Variants in MIPOL1 observed in about 807,000 individuals in gnomAD.
The protein encoded by MIPOL1 is mirror-image polydactyly 1, also known as mirror-image polydactyly gene 1 protein.
Under a neutral mutation model 60.9 loss-of-function variants are expected in MIPOL1, and 57 were observed. The ratio of observed to expected loss-of-function variants is 0.94; its 90% CI spans 0.76 to 1.17. MIPOL1 has a LOEUF of 1.17. MIPOL1 is among the 50% of genes most tolerant of loss of function. The probability of loss-of-function intolerance (pLI) is 0.00; values close to 1 mark genes in which losing one functional copy is unlikely to be tolerated. For missense variants in MIPOL1, 551 were observed against 511.6 expected, an observed-to-expected ratio of 1.08 and a Z score of -0.74; for synonymous variants, 179 against 168.8, an observed-to-expected ratio of 1.06 and a Z score of -0.47.
chr14:37,494,241 G>A (rs1347983959), intron 11 of MIPOL1, among the ~76,000 whole-genome samples: 6 of 151,960 alleles, frequency 3.9e-5, no homozygotes, highest in African/African-American at 7.3e-5. Context: ...TATAAATGAA[G>A]TATTAATATG....
At chr14:37,284,780 G>T (rs1403623464) in intron 6 of MIPOL1, among the ~76,000 whole-genome samples, 2 of 152,156 alleles carry the variant, frequency 1.3e-5, no homozygotes, top group Non-Finnish European at 2.9e-5. Context: ...CATTTTAAAT[G>T]CTGGGTAGTA....
At chr14:37,214,799 C>T (rs565459211) in intron 1 of MIPOL1, among the ~76,000 whole-genome samples, 1 of 152,226 alleles carries the variant, frequency 6.6e-6, no homozygotes, top group East Asian at 1.9e-4. Flanking sequence ...GAAAGACACC[C>T]ATTACCAAGC....
At chr14:37,363,264 T>G (rs1347964782) in intron 9 of MIPOL1, among the ~76,000 whole-genome samples, 1 of 152,230 alleles carries the variant, frequency 6.6e-6, no homozygotes, top group Admixed American at 6.5e-5. Context: ...ACCTTTGGTC[T>G]CTGATGTTTT....
chr14:37,538,842 C>T lies in MIPOL1; in HGVS notation c.1263-8063C>T, dbSNP rs114357916. ...AGAGAGTCCTAGCCACAAGGCAGGA[C>T]CAACTGTTAGCACATGCCACCCAGC... On this transcript the variant is annotated intron_variant, in intron 12 of 12. Coordinates refer to ENST00000684589, the MANE Select transcript of MIPOL1 (RefSeq NM_001388067.1). Among the ~76,000 whole-genome samples, 970 of 152,276 alleles carry T rather than the reference C, an allele frequency of 6.4e-3. 13 individuals are homozygous for T. Among genetic ancestry groups the T allele is most frequent in the African/African-American group, 0.023 (936 of 41,548 alleles).
intron 12 of MIPOL1, chr14:37,504,284 C>A (rs2153616407): frequency 6.6e-6 from 1 of 152,274 alleles, no homozygotes; most frequent in South Asian, 2.1e-4. Context: ...ACTCTCCACC[C>A]CAAATCAACA....
intron 7 of MIPOL1, among the ~76,000 whole-genome samples, chr14:37,292,718 T>G (rs769558356): frequency 6.6e-6 from 1 of 151,964 alleles, no homozygotes; most frequent in Non-Finnish European, 1.5e-5. Flanking sequence ...TGACCTCAGG[T>G]GATGTGCCTG....
chr14:37,432,892 T>C (rs1358506520), intron 11 of MIPOL1, among the ~76,000 whole-genome samples: 2 of 152,108 alleles, frequency 1.3e-5, no homozygotes, highest in Non-Finnish European at 2.9e-5. Context: ...GTATGACATG[T>C]TTATTATTCA....
intron 10 of MIPOL1, among the ~76,000 whole-genome samples, chr14:37,393,214 C>G (rs933671074): frequency 1.3e-5 from 2 of 152,040 alleles, no homozygotes; most frequent in Non-Finnish European, 2.9e-5. Context: ...GTGCTGACAC[C>G]TTGATTTTGA....
chr14:37,342,695 C>T (rs543708840), intron 9 of MIPOL1, among the ~76,000 whole-genome samples: 111 of 152,026 alleles, frequency 7.3e-4, no homozygotes, highest in African/African-American at 2.5e-3. Context: ...CGTGCCTGGC[C>T]GCAATTCACA....
chr14:37,416,454 T>G (rs190157764), intron 10 of MIPOL1, among the ~76,000 whole-genome samples: 2 of 152,304 alleles, frequency 1.3e-5, no homozygotes, highest in African/African-American at 4.8e-5. Context: ...GGTTATATGG[T>G]GTAGCCTATT....
intron 1 of MIPOL1, among the ~76,000 whole-genome samples, chr14:37,217,038 A>T (rs1967845533): frequency 6.6e-6 from 1 of 152,154 alleles, no homozygotes; most frequent in African/African-American, 2.4e-5. Context: ...AGACTAAGAA[A>T]AAAGAGAGGA....
At chr14:37,270,590 C>A in intron 6 of MIPOL1, 65 bp downstream of exon 6, 2 of 711,380 alleles carry the variant, frequency 2.8e-6, no homozygotes, top group Non-Finnish European at 4.2e-6. Flanking sequence ...TATGATGTAT[C>A]TTGGTGAATA....
At chr14:37,384,506 A>C (rs1317780028) in intron 10 of MIPOL1, among the ~76,000 whole-genome samples, 1 of 151,884 alleles carries the variant, frequency 6.6e-6, no homozygotes, top group African/African-American at 2.4e-5. Context: ...AGCACAAAGA[A>C]ACTACCAGTT....
intron 1 of MIPOL1, among the ~76,000 whole-genome samples, chr14:37,202,476 A>C (rs1033956072): frequency 6.6e-6 from 1 of 152,124 alleles, no homozygotes; most frequent in Non-Finnish European, 1.5e-5. Context: ...AATTGTGTTC[A>C]TATGCGTGTT....
At chr14:37,276,638 A>T (rs948242851) in intron 6 of MIPOL1, 21 of 151,336 alleles carry the variant, frequency 1.4e-4, no homozygotes, top group African/African-American at 5.1e-4. Flanking sequence ...AAAATGGCAT[A>T]ACTTTTATCT....
At position 37,338,409 on chromosome 14, in the gene MIPOL1, C is replaced by T. The variant is rs529444438; in HGVS notation, c.828+29890C>T. On this transcript the variant is annotated intron_variant, in intron 9 of 12. Coordinates refer to ENST00000684589, the MANE Select transcript of MIPOL1 (RefSeq NM_001388067.1). ...ACAGGCGTGAACCACCGCGCCTGGC[C>T]CCCCCTTTTTTTTTTTTGAGACAGA... 1.1e-3 allele frequency among the ~76,000 whole-genome samples: 18 copies of T among 16,422 alleles called. No homozygotes were observed. In the South Asian group the frequency reaches 0.076, roughly 70 times the overall value. 10.8% of individuals were successfully genotyped at this position (16,422 alleles called of 152,430 possible). A position where few individuals can be genotyped will look rare whatever the true frequency, so the allele number is the denominator to read the frequency against.
At chr14:37,296,536 A>G (rs576415176) in intron 7 of MIPOL1, among the ~76,000 whole-genome samples, 1 of 152,320 alleles carries the variant, frequency 6.6e-6, no homozygotes, top group African/African-American at 2.4e-5. Flanking sequence ...TGAAAAGATC[A>G]ACAAAATTGA....
intron 12 of MIPOL1, among the ~76,000 whole-genome samples, chr14:37,527,378 T>A (rs1249268054): frequency 6.6e-6 from 1 of 152,086 alleles, no homozygotes; most frequent in African/African-American, 2.4e-5. Context: ...ATTAGAACTG[T>A]TTGTAAACTT....
chr14:37,488,161 A>G (rs544050083), intron 11 of MIPOL1, among the ~76,000 whole-genome samples: 10 of 152,204 alleles, frequency 6.6e-5, no homozygotes, highest in African/African-American at 2.4e-4. Context: ...CCTGAGTTCT[A>G]ATTTGATTGC....
Sources: allele counts gnomAD v4.1 joint callset (sites outside exome capture counted in the v4.1 genomes callset), GRCh38; gene constraint gnomAD v4.1.1; transcripts MANE v1.5; gene names NCBI Gene and HGNC (gene_info 2026-07-23, HGNC 2026-07-21).